RRP15: variants seen among roughly 807,000 people sequenced by gnomAD.
RRP15 encodes RRP15-like protein.
Under a neutral mutation model 27.1 loss-of-function variants are expected in RRP15, and 18 were observed. The ratio of observed to expected loss-of-function variants is 0.66; its 90% CI spans 0.46 to 0.98. The LOEUF is 0.98. RRP15 is among the 50% of genes least tolerant of loss of function. The pLI, the probability that RRP15 is intolerant of heterozygous loss-of-function variation, is 0.00. For missense variants in RRP15, 359 were observed against 337.8 expected (o/e 1.06, Z -0.49); for synonymous variants, 107 against 109.4 (o/e 0.98, Z 0.14).
intron 4 of RRP15, among the ~76,000 whole-genome samples, chr1:218,323,040 C>G (rs1219676518): frequency 6.6e-6 from 1 of 152,138 alleles, no homozygotes; most frequent in Non-Finnish European, 1.5e-5. Flanking sequence ...CTTCCATGGC[C>G]GACACCAGGG....
At chr1:218,308,377 TTTC>T (rs915424870) in intron 4 of RRP15, among the ~76,000 whole-genome samples, 1 of 151,914 alleles carries the variant, frequency 6.6e-6, no homozygotes, top group Non-Finnish European at 1.5e-5. Context: ...CAGCCAGTAA[TTTC>T]TTTTTAATGT....
chr1:218,294,092 G>C (rs1321589177), intron 1 of RRP15, among the ~76,000 whole-genome samples: 3 of 152,108 alleles, frequency 2.0e-5, no homozygotes, highest in Admixed American at 2.0e-4. Context: ...TCACGAATTA[G>C]AGATATACAG....
At chr1:218,322,888 C>T (rs1044731081) in intron 4 of RRP15, among the ~76,000 whole-genome samples, 3 of 152,096 alleles carry the variant, frequency 2.0e-5, no homozygotes, top group East Asian at 1.9e-4. Context: ...CTGCCAAGAG[C>T]GAGGGATGTA....
chr1:218,285,732 C>A (rs1021017709), intron 1 of RRP15, among the ~76,000 whole-genome samples: 7 of 151,690 alleles, frequency 4.6e-5, no homozygotes, highest in African/African-American at 1.7e-4. Flanking sequence ...CTGCAGCTAC[C>A]GAGAAACTTA....
At chr1:218,322,519 T>A (rs1309034953) in intron 4 of RRP15, among the ~76,000 whole-genome samples, 1 of 152,112 alleles carries the variant, frequency 6.6e-6, no homozygotes, top group African/African-American at 2.4e-5. Flanking sequence ...GTACTTTTTT[T>A]TTTTTCTGTT....
intron 4 of RRP15, among the ~76,000 whole-genome samples, chr1:218,317,110 A>G (rs896416770): frequency 6.6e-6 from 1 of 152,214 alleles, no homozygotes; most frequent in African/African-American, 2.4e-5. Context: ...GTGCTGTCAT[A>G]CTATTTGAAT....
chr1:218,308,474 A>T (rs1256841624), intron 4 of RRP15, among the ~76,000 whole-genome samples: 2 of 152,048 alleles, frequency 1.3e-5, no homozygotes, highest in African/African-American at 4.8e-5. Context: ...CAAAATATGT[A>T]GTTATATTTT....
chr1:218,306,363 G>A (rs1254846507), intron 3 of RRP15, among the ~76,000 whole-genome samples: 2 of 152,158 alleles, frequency 1.3e-5, no homozygotes, highest in African/African-American at 4.8e-5. Flanking sequence ...CTGGAACACT[G>A]TGCTTGGGAT....
chr1:218,332,814 C>T lies in RRP15; in HGVS notation c.*1723C>T, dbSNP rs1656394192. 6.7e-6 allele frequency: 1 copy of T among 149,218 alleles called. No homozygotes were observed. Among genetic ancestry groups the T allele is most frequent in the South Asian group, 2.1e-4 (1 of 4,722 alleles). The allele number at this position is 149,218 out of a possible 1,614,324, so 9.2% of individuals were successfully genotyped here. ...TAATACAGGAGAACTAAATATCCTG[C>T]TATAACTTAATACAGATACATATTT... On this transcript the variant is annotated 3_prime_UTR_variant, in exon 5 of 5. Coordinates refer to ENST00000366932, the MANE Select transcript of RRP15 (RefSeq NM_016052.4).
chr1:218,302,354 G>A lies in RRP15; in HGVS notation c.200G>A (p.Ser67Asn), dbSNP rs1310343913. 4 of 1,614,138 alleles carry A rather than the reference G, an allele frequency of 2.5e-6. No individual in the cohort carries two copies. The highest frequency in any genetic ancestry group is 3.4e-6 in the Non-Finnish European group (4 of 1,179,996). The change falls in exon 2 of 5, where the codon AGT becomes AAT. Residue 67 changes from serine (S) to asparagine (N), a missense_variant. Physicochemically the swap from Ser to Asn is conservative, Grantham distance 46 (BLOSUM62 1). Coordinates refer to ENST00000366932, the MANE Select transcript of RRP15 (RefSeq NM_016052.4). ...YSDDDAIEAD[S>N]EGDAEPCDKE... ...GATGATGACGCAATAGAAGCTGACAGTGAGGGTGATGCTGAGCCCTGTGAC... is the reference window on the plus strand; with the variant it reads ...GATGATGACGCAATAGAAGCTGACAATGAGGGTGATGCTGAGCCCTGTGAC...
At chr1:218,306,422 G>A (rs1026111437) in intron 3 of RRP15, among the ~76,000 whole-genome samples, 7 of 152,094 alleles carry the variant, frequency 4.6e-5, no homozygotes, top group Non-Finnish European at 1.0e-4. Context: ...TTGTCGGGGG[G>A]AGATGTTACC....
At chr1:218,297,392 ATG>A (rs1655737593) in intron 1 of RRP15, among the ~76,000 whole-genome samples, 1 of 152,106 alleles carries the variant, frequency 6.6e-6, no homozygotes, top group African/African-American at 2.4e-5. Context: ...GTATTTCTGC[ATG>A]TGTGTGTGGT....
At chr1:218,311,660 C>T (rs1408735925) in intron 4 of RRP15, among the ~76,000 whole-genome samples, 2 of 152,198 alleles carry the variant, frequency 1.3e-5, no homozygotes, top group Admixed American at 1.3e-4. Context: ...CCATTTGCCT[C>T]TCGCCTCTCT....
intron 3 of RRP15, among the ~76,000 whole-genome samples, chr1:218,305,352 T>G (rs1305144361): frequency 6.6e-6 from 1 of 152,236 alleles, no homozygotes; most frequent in Non-Finnish European, 1.5e-5. Context: ...CAGATCATCT[T>G]GTTTTTATAG....
chr1:218,293,603 T>C (rs1655677534), intron 1 of RRP15, among the ~76,000 whole-genome samples: 1 of 152,240 alleles, frequency 6.6e-6, no homozygotes, highest in Non-Finnish European at 1.5e-5. Flanking sequence ...TTTGAAAAAC[T>C]TCCTTTAGTA....
At chr1:218,324,233 G>A (rs1455114294) in intron 4 of RRP15, among the ~76,000 whole-genome samples, 2 of 152,178 alleles carry the variant, frequency 1.3e-5, no homozygotes, top group African/African-American at 4.8e-5. Context: ...CCCTGCAGCA[G>A]CAGCTGCAGG....
intron 4 of RRP15, among the ~76,000 whole-genome samples, chr1:218,328,428 CAAG>C: frequency 6.6e-6 from 1 of 152,068 alleles, no homozygotes; most frequent in Middle Eastern, 3.2e-3. Flanking sequence ...TTTGGGAGGC[CAAG>C]GCGGGCAGAT....
At chr1:218,307,014 A>G (rs1655910274) in intron 3 of RRP15, among the ~76,000 whole-genome samples, 1 of 152,224 alleles carries the variant, frequency 6.6e-6, no homozygotes, top group South Asian at 2.1e-4. Flanking sequence ...ACTCAAATAA[A>G]TACAGAACAT....
intron 2 of RRP15, among the ~76,000 whole-genome samples, chr1:218,303,272 A>G (rs1229548904): frequency 6.6e-6 from 1 of 152,224 alleles, no homozygotes. Flanking sequence ...ATGTACTGGC[A>G]GCATAGAAGT....
Sources: allele counts gnomAD v4.1 joint callset (sites outside exome capture counted in the v4.1 genomes callset), GRCh38; gene constraint gnomAD v4.1.1; transcripts MANE v1.5; gene names NCBI Gene and HGNC (gene_info 2026-07-23, HGNC 2026-07-21).